Variants in PPM1L observed in about 807,000 individuals in gnomAD.
The protein encoded by PPM1L is protein phosphatase, Mg2+/Mn2+ dependent 1L.
In PPM1L, 13 loss-of-function variants were observed where a neutral mutation model predicts 31.4. That is an observed-to-expected ratio of 0.41 (90% CI 0.27 to 0.66). The LOEUF is 0.66. Ranked by LOEUF, PPM1L falls within the 30% of genes least tolerant of loss-of-function variation. PPM1L has a pLI of 0.29. For synonymous variants in PPM1L, 184 were observed against 175.4 expected, an observed-to-expected ratio of 1.05 and a Z score of -0.39; for missense variants, 326 against 453.7, an observed-to-expected ratio of 0.72 and a Z score of 2.56.
At chr3:160,827,481 G>GTGTGTA (rs1553810064) in intron 1 of PPM1L, among the ~76,000 whole-genome samples, 2 of 150,576 alleles carry the variant, frequency 1.3e-5, no homozygotes, top group African/African-American at 4.9e-5. Flanking sequence ...GTGTGTGTGT[G>GTGTGTA]TGTATGTATG....
intron 1 of PPM1L, among the ~76,000 whole-genome samples, chr3:160,931,021 A>C (rs1714768730): frequency 6.6e-6 from 1 of 152,168 alleles, no homozygotes; most frequent in Non-Finnish European, 1.5e-5. Flanking sequence ...GACAGGGGAC[A>C]AAAAAAGTTT....
At chr3:160,983,023 G>T (rs1716852862) in intron 2 of PPM1L, among the ~76,000 whole-genome samples, 1 of 152,174 alleles carries the variant, frequency 6.6e-6, no homozygotes, top group Non-Finnish European at 1.5e-5. Context: ...TTCAATCTGA[G>T]ATTAAGCATT....
intron 1 of PPM1L, among the ~76,000 whole-genome samples, chr3:160,759,747 C>G (rs1714919511): frequency 6.6e-6 from 1 of 152,162 alleles, no homozygotes; most frequent in African/African-American, 2.4e-5. Context: ...GAAAAAACGC[C>G]TTGAAGGTAT....
chr3:160,835,086 T>TTCTTCTTCC (rs11474788), intron 1 of PPM1L, among the ~76,000 whole-genome samples: 1 of 106,220 alleles, frequency 9.4e-6, no homozygotes, highest in Non-Finnish European at 2.0e-5. Flanking sequence ...CTTCTTCTTC[T>TTCTTCTTCC]TTCTTTTTTC....
intron 1 of PPM1L, among the ~76,000 whole-genome samples, chr3:160,879,167 C>T (rs1453977828): frequency 1.3e-5 from 2 of 152,112 alleles, no homozygotes; most frequent in Non-Finnish European, 2.9e-5. Flanking sequence ...GAAACTTTCC[C>T]ATGTATATGG....
chr3:160,900,926 G>A (rs1281558113), intron 1 of PPM1L, among the ~76,000 whole-genome samples: 2 of 152,162 alleles, frequency 1.3e-5, no homozygotes, highest in African/African-American at 4.8e-5. Context: ...TAAGCTCTCA[G>A]TAGCAACTGG....
chr3:160,775,018 G>T lies in PPM1L; in HGVS notation c.399+18311G>T, dbSNP rs536766554. ...ATTGCATTTGCTATCACTTATGTCT[G>T]TTGGAAATCAAAGGGCTTTGCTCAT... is the stretch of plus-strand genomic sequence containing the variant. On this transcript the variant is annotated intron_variant, in intron 1 of 3. Coordinates refer to ENST00000498165, the MANE Select transcript of PPM1L (RefSeq NM_139245.4). 3.3e-5 allele frequency among the ~76,000 whole-genome samples: 5 copies of T among 152,326 alleles called. No individual in the cohort carries two copies. The East Asian group carries it at 9.6e-4, about 29-fold the overall frequency.
At chr3:161,010,044 T>G (rs2108061518) in intron 2 of PPM1L, among the ~76,000 whole-genome samples, 1 of 152,332 alleles carries the variant, frequency 6.6e-6, no homozygotes, top group Middle Eastern at 3.4e-3. Flanking sequence ...AGGGTACATG[T>G]GCACAATGTG....
chr3:160,965,075 C>T (rs1716094559), intron 2 of PPM1L, among the ~76,000 whole-genome samples: 1 of 151,768 alleles, frequency 6.6e-6, no homozygotes, highest in Admixed American at 6.6e-5. Context: ...CATGGTGAAA[C>T]CCCATCTCTA....
intron 2 of PPM1L, among the ~76,000 whole-genome samples, chr3:161,021,595 G>A (rs936044713): frequency 6.6e-5 from 10 of 151,866 alleles, no homozygotes; most frequent in East Asian, 3.9e-4. Context: ...CTTCTGCCTC[G>A]TTCTATCTAT....
intron 1 of PPM1L, among the ~76,000 whole-genome samples, chr3:160,773,934 T>A (rs9815499): frequency 0.42 from 64,002 of 151,862 alleles, 14,263 homozygotes; most frequent in East Asian, 0.59. Context: ...TTCATGAGTC[T>A]GGGTTTCAAG....
At chr3:160,974,358 A>C (rs1363160711) in intron 2 of PPM1L, among the ~76,000 whole-genome samples, 1 of 152,124 alleles carries the variant, frequency 6.6e-6, no homozygotes, top group East Asian at 1.9e-4. Flanking sequence ...TTATAGCAGC[A>C]TGATTTATAG....
intron 1 of PPM1L, among the ~76,000 whole-genome samples, chr3:160,960,091 A>G (rs150843766): frequency 4.6e-5 from 7 of 152,188 alleles, no homozygotes; most frequent in South Asian, 2.1e-4. Flanking sequence ...TCCAAAGGCT[A>G]TAGAGGATAC....
chr3:161,040,457 G>T (rs1718876631), intron 2 of PPM1L, among the ~76,000 whole-genome samples: 1 of 152,110 alleles, frequency 6.6e-6, no homozygotes, highest in Admixed American at 6.6e-5. Flanking sequence ...GTTAAAATTT[G>T]CAAGTAAGAG....
intron 1 of PPM1L, among the ~76,000 whole-genome samples, chr3:160,809,070 C>G (rs941906802): frequency 6.6e-6 from 1 of 152,176 alleles, no homozygotes; most frequent in Non-Finnish European, 1.5e-5. Context: ...GTGCCTGGCA[C>G]CAGCAAGCGT....
At chr3:161,067,792 T>G (rs1169118497) in intron 3 of PPM1L, among the ~76,000 whole-genome samples, 1 of 152,192 alleles carries the variant, frequency 6.6e-6, no homozygotes, top group African/African-American at 2.4e-5. Flanking sequence ...ATCCTGCCCA[T>G]AGATGTTTCA....
chr3:160,811,353 T>C (rs1243291674), intron 1 of PPM1L, among the ~76,000 whole-genome samples: 1 of 152,266 alleles, frequency 6.6e-6, no homozygotes, highest in African/African-American at 2.4e-5. Context: ...ATCAGAATCA[T>C]TGAGCCTTGC....
At chr3:160,834,565 T>A (rs1576660824) in intron 1 of PPM1L, among the ~76,000 whole-genome samples, 1 of 151,872 alleles carries the variant, frequency 6.6e-6, no homozygotes, top group Non-Finnish European at 1.5e-5. Flanking sequence ...TCTCCATTTG[T>A]ATTCATATCC....
chr3:160,770,916 G>A (rs952144588), intron 1 of PPM1L, among the ~76,000 whole-genome samples: 2 of 152,136 alleles, frequency 1.3e-5, no homozygotes, highest in African/African-American at 4.8e-5. Flanking sequence ...TACTGAGTGA[G>A]GTTAGGTCCT....
Sources: allele counts gnomAD v4.1 joint callset (sites outside exome capture counted in the v4.1 genomes callset), GRCh38; gene constraint gnomAD v4.1.1; transcripts MANE v1.5; gene names NCBI Gene and HGNC (gene_info 2026-07-23, HGNC 2026-07-21).